Variants in FAT3 observed in about 807,000 individuals in gnomAD.
The protein encoded by FAT3 is FAT atypical cadherin 3.
Under a neutral mutation model 310.2 loss-of-function variants are expected in FAT3, and 95 were observed. That is an observed-to-expected ratio of 0.31 (90% CI 0.26 to 0.36). The LOEUF (loss-of-function observed/expected upper bound fraction) is 0.36. FAT3 is among the 10% of genes least tolerant of loss of function. FAT3 has a pLI of 1.00. For missense variants in FAT3, 5,408 were observed against 5,715.6 expected, an observed-to-expected ratio of 0.95 and a Z score of 1.74; for synonymous variants, 2,314 against 2,192.9, an observed-to-expected ratio of 1.06 and a Z score of -1.54.
At chr11:92,432,660 C>A (rs192740292) in intron 2 of FAT3, among the ~76,000 whole-genome samples, 2 of 152,254 alleles carry the variant, frequency 1.3e-5, no homozygotes, top group South Asian at 2.1e-4. Flanking sequence ...GGTCACCTAC[C>A]AGATGCCAGC....
At chr11:92,709,756 C>T (rs1268325640) in intron 4 of FAT3, among the ~76,000 whole-genome samples, 1 of 152,174 alleles carries the variant, frequency 6.6e-6, no homozygotes, top group Non-Finnish European at 1.5e-5. Flanking sequence ...GTTTGAGGAG[C>T]CCTTGGGGTG....
intron 2 of FAT3, among the ~76,000 whole-genome samples, chr11:92,512,358 G>A (rs1004488589): frequency 6.6e-6 from 1 of 151,598 alleles, no homozygotes; most frequent in Admixed American, 6.6e-5. Flanking sequence ...GCAGAGGAGG[G>A]TGGCTTTATA....
chr11:92,594,469 T>A (rs759856048), intron 3 of FAT3, among the ~76,000 whole-genome samples: 2 of 152,164 alleles, frequency 1.3e-5, no homozygotes, highest in African/African-American at 2.4e-5. Context: ...AAGAACTTGA[T>A]GTAGGCTCCT....
chr11:92,697,781 A>G (rs1193172496), intron 4 of FAT3, among the ~76,000 whole-genome samples: 1 of 152,176 alleles, frequency 6.6e-6, no homozygotes, highest in Non-Finnish European at 1.5e-5. Context: ...AGACGTAAAA[A>G]GAGAAAGAGC....
chr11:92,502,996 A>G (rs907236769), intron 2 of FAT3, among the ~76,000 whole-genome samples: 2 of 152,112 alleles, frequency 1.3e-5, no homozygotes, highest in African/African-American at 4.8e-5. Context: ...AAGGTAGCCT[A>G]TTGCTCTAAT....
At chr11:92,315,078 T>C (rs1293456823) in intron 1 of FAT3, among the ~76,000 whole-genome samples, 1 of 151,668 alleles carries the variant, frequency 6.6e-6, no homozygotes, top group Non-Finnish European at 1.5e-5. Flanking sequence ...ATAAGAAACA[T>C]TGATACTGAA....
intron 2 of FAT3, among the ~76,000 whole-genome samples, chr11:92,404,675 A>G (rs1950098161): frequency 6.6e-6 from 1 of 151,884 alleles, no homozygotes. Flanking sequence ...AAGGATGCCC[A>G]GATAGCTGGT....
chr11:92,351,380 A>G (rs1346056612), intron 1 of FAT3, among the ~76,000 whole-genome samples: 2 of 152,216 alleles, frequency 1.3e-5, no homozygotes, highest in Non-Finnish European at 2.9e-5. Context: ...TTGATGAACA[A>G]TGTTCATTGA....
chr11:92,801,550 A>T lies in FAT3; in HGVS notation c.8537A>T (p.Asn2846Ile). ...GCTATTGATATGGACTGGGGAGCCA[A>T]TGGACAAGTCACTTACTCCCTCCAC... The part of the protein sequence containing the change: ...VRAIDMDWGA[N>I]GQVTYSLHSD... Residue 2846 changes from asparagine (N) to isoleucine (I), a missense_variant, in exon 10 of 28, where the codon AAT becomes ATT. Transcript: ENST00000525166. 1 of 1,608,204 alleles carries T rather than the reference A, an allele frequency of 6.2e-7. No homozygotes were observed. The highest frequency in any genetic ancestry group is 1.3e-5 in the African/African-American group (1 of 74,996).
intron 3 of FAT3, among the ~76,000 whole-genome samples, chr11:92,634,893 G>T (rs1036775435): frequency 1.3e-5 from 2 of 152,222 alleles, no homozygotes; most frequent in East Asian, 3.8e-4. Context: ...AGTAGGATTA[G>T]TGTGTCCTTA....
intron 1 of FAT3, among the ~76,000 whole-genome samples, chr11:92,345,493 A>C (rs1292640236): frequency 1.3e-5 from 2 of 152,208 alleles, no homozygotes; most frequent in Admixed American, 1.3e-4. Context: ...TTAAATTCTC[A>C]GGCCCCACCC....
At chr11:92,238,928 G>A (rs557797919) in intron 1 of FAT3, among the ~76,000 whole-genome samples, 7 of 152,106 alleles carry the variant, frequency 4.6e-5, no homozygotes, top group Admixed American at 2.0e-4. Context: ...TAACAGTAAC[G>A]TGCATTCGTT....
intron 13 of FAT3, among the ~76,000 whole-genome samples, chr11:92,822,476 C>A (rs1947992932): frequency 6.6e-6 from 1 of 152,184 alleles, no homozygotes; most frequent in Non-Finnish European, 1.5e-5. Context: ...CAAGCTTTGA[C>A]TCCCTGCCTC....
chr11:92,619,102 G>A (rs530353848), intron 3 of FAT3, among the ~76,000 whole-genome samples: 2 of 152,104 alleles, frequency 1.3e-5, no homozygotes, highest in South Asian at 2.1e-4. Flanking sequence ...ATGGTCATGC[G>A]GTTTTGTCTT....
chr11:92,282,459 G>A (rs952592247), intron 1 of FAT3, among the ~76,000 whole-genome samples: 3 of 152,048 alleles, frequency 2.0e-5, no homozygotes, highest in Admixed American at 6.6e-5. Flanking sequence ...GAGGTCAGGC[G>A]TTCGAGACCA....
intron 4 of FAT3, among the ~76,000 whole-genome samples, chr11:92,738,236 G>A (rs1945407439): frequency 6.6e-6 from 1 of 152,198 alleles, no homozygotes; most frequent in Admixed American, 6.5e-5. Flanking sequence ...CTTATGAGAA[G>A]AGAACTCAAT....
At chr11:92,313,682 C>T (rs1947365108) in intron 1 of FAT3, among the ~76,000 whole-genome samples, 1 of 152,202 alleles carries the variant, frequency 6.6e-6, no homozygotes. Flanking sequence ...GCCTCAGCCT[C>T]CTGAGTAGCT....
At chr11:92,802,946 A>G (rs1947401130) in intron 10 of FAT3, among the ~76,000 whole-genome samples, 1 of 152,188 alleles carries the variant, frequency 6.6e-6, no homozygotes, top group Non-Finnish European at 1.5e-5. Context: ...ACTTTTCAGC[A>G]TGATTCCCTT....
Position 92,866,846 on chromosome 11 carries a change from C to G in FAT3, c.11764C>G (p.Leu3922Val). ...CGACGGGAGCTGGCACTCGGTCTTCCTGGAGCTCAACCGCAATTTCACGAG... is the reference window on the plus strand; with the variant it reads ...CGACGGGAGCTGGCACTCGGTCTTCGTGGAGCTCAACCGCAATTTCACGAG... ...VNDGSWHSVFLELNRNFTSLS... is the reference protein window; with the variant it reads ...VNDGSWHSVFVELNRNFTSLS... Residue 3922 changes from leucine (L) to valine (V), a missense_variant, in exon 22 of 28, where the codon CTG (leucine) becomes GTG (valine). Transcript: ENST00000525166. 1 of 1,613,964 alleles carries G rather than the reference C, an allele frequency of 6.2e-7. No individual in the cohort carries two copies. The highest frequency in any genetic ancestry group is 8.5e-7 in the Non-Finnish European group (1 of 1,179,874).
Sources: gnomAD v4.1 joint callset for allele counts (sites outside exome capture counted in the v4.1 genomes callset) on GRCh38, gnomAD v4.1.1 for gene constraint, MANE v1.5 for transcripts, NCBI Gene and HGNC (gene_info 2026-07-23, HGNC 2026-07-21) for gene names.